TTC9: variants seen among roughly 807,000 people sequenced by gnomAD.
The protein encoded by TTC9 is tetratricopeptide repeat domain 9.
Under a neutral mutation model 22.9 loss-of-function variants are expected in TTC9, and 13 were observed. That is an observed-to-expected ratio of 0.57 (90% confidence interval 0.37 to 0.90). The LOEUF is 0.90. Ranked by LOEUF, TTC9 falls within the 40% of genes least tolerant of loss-of-function variation. The probability of loss-of-function intolerance (pLI) is 0.01; values close to 1 mark genes in which losing one functional copy is unlikely to be tolerated. For missense variants in TTC9, 280 were observed against 291.8 expected (o/e 0.96, Z 0.29); for synonymous variants, 148 against 133.2 (o/e 1.11, Z -0.77).
intron 1 of TTC9, among the ~76,000 whole-genome samples, chr14:70,662,731 T>A (rs750518985): frequency 1.2e-4 from 18 of 152,252 alleles, no homozygotes; most frequent in Admixed American, 1.1e-3. Flanking sequence ...GTGGCAAAGA[T>A]GGGACTAGAA....
At chr14:70,657,724 G>C (rs1404533626) in intron 1 of TTC9, among the ~76,000 whole-genome samples, 1 of 152,160 alleles carries the variant, frequency 6.6e-6, no homozygotes, top group Non-Finnish European at 1.5e-5. Flanking sequence ...CCAGTGCTTT[G>C]GGAGGCCGAG....
intron 2 of TTC9, among the ~76,000 whole-genome samples, chr14:70,670,547 A>G (rs1886279210): frequency 6.6e-6 from 1 of 152,166 alleles, no homozygotes; most frequent in South Asian, 2.1e-4. Flanking sequence ...AATCCCAGCT[A>G]CTGAGGCAGG....
At chr14:70,664,153 G>T (rs747578464) in intron 1 of TTC9, among the ~76,000 whole-genome samples, 1 of 152,038 alleles carries the variant, frequency 6.6e-6, no homozygotes, top group African/African-American at 2.4e-5. Flanking sequence ...ACTGTGGGGC[G>T]ATGCCACTTA....
intron 1 of TTC9, among the ~76,000 whole-genome samples, chr14:70,652,303 A>G (rs556569389): frequency 6.6e-6 from 1 of 152,316 alleles, no homozygotes; most frequent in East Asian, 1.9e-4. Flanking sequence ...TTCCAAGGCA[A>G]CCCTTGCAAA....
At position 70,674,243 on chromosome 14, in the gene TTC9, G is replaced by A. The variant is rs573792288; in HGVS notation, c.*3088G>A. ...TGTCATCCCCTGCCTGGACTTTTGC[G>A]ATGGACTCTTTGGGGGAAAAACTAA... On this transcript the variant is annotated 3_prime_UTR_variant, in exon 3 of 3. Coordinates refer to ENST00000256367, the MANE Select transcript of TTC9 (RefSeq NM_015351.2). The A allele has an allele frequency of 6.6e-5, 10 of 152,216 alleles. No homozygotes were observed. Among genetic ancestry groups the A allele is most frequent in the South Asian group, 2.1e-4 (1 of 4,822 alleles). The allele number at this position is 152,216 out of a possible 1,614,324, so 9.4% of individuals were successfully genotyped here.
rs1886298845 is a variant in TTC9, at chr14:70,671,709, CT to C, written c.*555del. On this transcript the variant is annotated 3_prime_UTR_variant, in exon 3 of 3. Transcript: ENST00000256367. Reference sequence around the variant, plus strand: ...CCACCCCCCACCCGTCACTTAGCCCCTGCCTCCTTCCCCCACTCGTTGTCTT... The same window carrying C: ...CCACCCCCCACCCGTCACTTAGCCCCGCCTCCTTCCCCCACTCGTTGTCTT... 7.1e-6 allele frequency: 1 copy of C among 140,522 alleles called. No homozygotes were observed. Among genetic ancestry groups the C allele is most frequent in the Non-Finnish European group, 1.6e-5 (1 of 64,218 alleles). 8.7% of individuals were successfully genotyped at this position (140,522 alleles called of 1,614,324 possible).
At chr14:70,671,043 G>A (rs957285018) in intron 2 of TTC9, 33 bp from the exon 3 acceptor site, 6 of 1,594,446 alleles carry the variant, frequency 3.8e-6, no homozygotes, top group South Asian at 1.1e-5. Flanking sequence ...GCCCTCACCT[G>A]GTGTTCCCTA....
chr14:70,649,649 C>T (rs573160826), intron 1 of TTC9, among the ~76,000 whole-genome samples: 7 of 152,310 alleles, frequency 4.6e-5, no homozygotes, highest in East Asian at 1.9e-4. Context: ...GATAATAAAA[C>T]TTGTCTCACT....
chr14:70,665,778 C>G (rs1886207414), intron 1 of TTC9, among the ~76,000 whole-genome samples: 1 of 152,074 alleles, frequency 6.6e-6, no homozygotes, highest in South Asian at 2.1e-4. Context: ...AATTCTGATA[C>G]CTGGGAAGTT....
chr14:70,665,735 CA>C (rs962228471), intron 1 of TTC9, among the ~76,000 whole-genome samples: 2 of 151,868 alleles, frequency 1.3e-5, no homozygotes, highest in East Asian at 1.9e-4. Context: ...CCTAAATGCT[CA>C]AAAAAAATCT....
chr14:70,672,913 G>C lies in TTC9; in HGVS notation c.*1758G>C, dbSNP rs1408307479. Reference sequence around the variant, plus strand: ...GCTATACTTAGTTGCCTCTCTGTAAGTATAATATTGGGCAATTATAACCAT... The same window carrying C: ...GCTATACTTAGTTGCCTCTCTGTAACTATAATATTGGGCAATTATAACCAT... On this transcript the variant is annotated 3_prime_UTR_variant, in exon 3 of 3. Transcript: ENST00000256367. 1 of 152,210 alleles carries C rather than the reference G, an allele frequency of 6.6e-6. No homozygotes were observed. The highest frequency in any genetic ancestry group is 1.5e-5 in the Non-Finnish European group (1 of 68,038). The allele number at this position is 152,210 out of a possible 1,614,324, so 9.4% of individuals were successfully genotyped here. A position where few individuals can be genotyped will look rare whatever the true frequency, so the allele number is the denominator to read the frequency against.
At chr14:70,665,665 C>T (rs1222057671) in intron 1 of TTC9, among the ~76,000 whole-genome samples, 1 of 152,200 alleles carries the variant, frequency 6.6e-6, no homozygotes, top group Non-Finnish European at 1.5e-5. Flanking sequence ...GGTTCTCATA[C>T]CTTCATCTTG....
In TTC9 at chr14:70,642,406, C is replaced by G; in HGVS notation, c.277C>G (p.Pro93Ala). Residue 93 changes from proline to alanine, a missense_variant, in exon 1 of 3, where the codon CCC becomes GCC. By Grantham distance (27) the Pro-to-Ala change is conservative. This residue lies in a region of TTC9 where 165 missense variants were observed against 145.4 expected (regional missense o/e 1.14). Transcript: ENST00000256367. ...GCTGGAGCTGAAGGGGCTGCTGCCGCCCCCCGGGGAACGGGAGCGGGACTC... is the reference window on the plus strand; with the variant it reads ...GCTGGAGCTGAAGGGGCTGCTGCCGGCCCCCGGGGAACGGGAGCGGGACTC... Reference protein sequence around the residue: ...ALLELKGLLPPPGERERDSRP... With the variant: ...ALLELKGLLPAPGERERDSRP... The G allele has an allele frequency of 1.3e-6, 2 of 1,597,808 alleles. No homozygotes were observed. The highest frequency in any genetic ancestry group is 1.4e-5 in the African/African-American group (1 of 74,012).
At chr14:70,647,930 T>C (rs911519039) in intron 1 of TTC9, among the ~76,000 whole-genome samples, 2 of 151,944 alleles carry the variant, frequency 1.3e-5, no homozygotes, top group Non-Finnish European at 2.9e-5. Context: ...ACATCTGAGG[T>C]GGACAAAATT....
intron 1 of TTC9, among the ~76,000 whole-genome samples, chr14:70,648,842 T>TA (rs1000949391): frequency 9.9e-5 from 15 of 152,058 alleles, no homozygotes; most frequent in African/African-American, 1.9e-4. Flanking sequence ...GTACCAGACT[T>TA]AAAAAAAACA....
intron 1 of TTC9, among the ~76,000 whole-genome samples, chr14:70,653,046 A>G (rs1886009016): frequency 6.6e-6 from 1 of 152,262 alleles, no homozygotes; most frequent in Non-Finnish European, 1.5e-5. Context: ...AACCTTGGAC[A>G]GGACCCAACC....
intron 1 of TTC9, among the ~76,000 whole-genome samples, chr14:70,659,604 G>A (rs972788173): frequency 6.6e-6 from 1 of 152,146 alleles, no homozygotes; most frequent in Non-Finnish European, 1.5e-5. Context: ...GAATGTAAAG[G>A]AACTAGTGGG....
rs1886266274 is a variant in TTC9, at chr14:70,669,741, CA to C, written c.590-1334del. ...TAAATCGTGTTCCACCAACTGTAAG[CA>C]GCTTGAAGACTAACCATTGGACTCA... is the stretch of plus-strand genomic sequence containing the variant. On this transcript the variant is annotated intron_variant, in intron 2 of 2. Coordinates refer to ENST00000256367, the MANE Select transcript of TTC9 (RefSeq NM_015351.2). 3.3e-5 allele frequency among the ~76,000 whole-genome samples: 5 copies of C among 152,288 alleles called. No homozygotes were observed. The South Asian group carries it at 1.0e-3, about 32-fold the overall frequency.
intron 1 of TTC9, among the ~76,000 whole-genome samples, chr14:70,651,407 A>T (rs1885983164): frequency 6.6e-6 from 1 of 152,354 alleles, no homozygotes; most frequent in Admixed American, 6.5e-5. Context: ...TTTGCATTTT[A>T]AAAATATTCC....
Sources: allele counts gnomAD v4.1 joint callset (sites outside exome capture counted in the v4.1 genomes callset), GRCh38; gene constraint gnomAD v4.1.1; regional missense constraint gnomAD v4.1.1; transcripts MANE v1.5; gene names NCBI Gene and HGNC (gene_info 2026-07-23, HGNC 2026-07-21).